Variants in CCNB2 observed in about 807,000 individuals in gnomAD.
CCNB2 encodes G2/mitotic-specific cyclin-B2.
In CCNB2, 39 loss-of-function variants were observed where a neutral mutation model predicts 51.1. The ratio of observed to expected loss-of-function variants is 0.76; its 90% CI spans 0.59 to 1.00. The LOEUF (loss-of-function observed/expected upper bound fraction) is 1.00, where lower values mean the gene tolerates loss of function less well. Ranked by LOEUF, CCNB2 falls within the 50% of genes least tolerant of loss-of-function variation. CCNB2 has a pLI of 0.00. For synonymous variants in CCNB2, 174 were observed against 165.5 expected, an observed-to-expected ratio of 1.05 and a Z score of -0.40; for missense variants, 472 against 470.3, an observed-to-expected ratio of 1.00 and a Z score of -0.03.
chr15:59,117,210 C>T lies in CCNB2; in HGVS notation c.835-18C>T. The T allele has an allele frequency of 6.2e-7, 1 of 1,609,296 alleles. No homozygotes were observed. The highest frequency in any genetic ancestry group is 8.5e-7 in the Non-Finnish European group (1 of 1,177,920). ...ATTACACTTGTGATTCTTACTATCC[C>T]TTGCTGTTCTTTCTTAGGTTGATGT... On this transcript the variant is annotated intron_variant, in intron 6 of 8. Coordinates refer to ENST00000288207, the MANE Select transcript of CCNB2 (RefSeq NM_004701.4).
chr15:59,108,925 T>A (rs1418971265), intron 3 of CCNB2, among the ~76,000 whole-genome samples: 1 of 152,180 alleles, frequency 6.6e-6, no homozygotes, highest in Non-Finnish European at 1.5e-5. Context: ...AACAGTGACC[T>A]CCTGAAAGCC....
At chr15:59,120,579 G>C (rs1000779499) in intron 7 of CCNB2, among the ~76,000 whole-genome samples, 1 of 152,046 alleles carries the variant, frequency 6.6e-6, no homozygotes, top group Non-Finnish European at 1.5e-5. Flanking sequence ...AAGGATTCCT[G>C]GGACCATAAT....
intron 3 of CCNB2, 136 bp downstream of exon 3, chr15:59,107,806 G>T: frequency 1.5e-6 from 1 of 662,736 alleles, no homozygotes; most frequent in Non-Finnish European, 2.6e-6. Context: ...AATAGTGTAG[G>T]AAATGAGTAT....
Position 59,105,230 on chromosome 15 carries a change from C to T in CCNB2, c.-39C>T. 6.4e-7 allele frequency: 1 copy of T among 1,552,180 alleles called. No homozygotes were observed. The highest frequency in any genetic ancestry group is 1.4e-5 in the African/African-American group (1 of 73,470). Reference sequence around the variant, plus strand: ...TCCTCCCTTTTCAGTCCGCGTCCCTCCCTGGGCCGGGCTGGCACTCTTGCC... The same window carrying T: ...TCCTCCCTTTTCAGTCCGCGTCCCTTCCTGGGCCGGGCTGGCACTCTTGCC... On this transcript the variant is annotated 5_prime_UTR_variant, in exon 1 of 9. Coordinates refer to ENST00000288207, the MANE Select transcript of CCNB2 (RefSeq NM_004701.4).
Position 59,105,264 on chromosome 15 carries a change from C to A in CCNB2, c.-5C>A, listed in dbSNP as rs1266540784. On this transcript the variant is annotated 5_prime_UTR_variant, in exon 1 of 9. Coordinates refer to ENST00000288207, the MANE Select transcript of CCNB2 (RefSeq NM_004701.4). ...GGGCTGGCACTCTTGCCTTCCCCGT[C>A]CCTCATGGCGCTGCTCCGACGCCCG... 2 of 1,567,476 alleles carry A rather than the reference C, an allele frequency of 1.3e-6. No individual in the cohort carries two copies. Among genetic ancestry groups the A allele is most frequent in the East Asian group, 2.4e-5 (1 of 42,428 alleles).
At chr15:59,121,892 A>G (rs934855266) in intron 7 of CCNB2, among the ~76,000 whole-genome samples, 14 of 139,950 alleles carry the variant, frequency 1.0e-4, no homozygotes, top group African/African-American at 1.3e-4. Context: ...ACATTGCACC[A>G]CTGCACTCCA....
intron 7 of CCNB2, among the ~76,000 whole-genome samples, chr15:59,122,351 C>T (rs1209595833): frequency 1.4e-5 from 2 of 141,670 alleles, no homozygotes; most frequent in African/African-American, 5.2e-5. Flanking sequence ...CGGGTTCCAG[C>T]GATTCTCCTG....
intron 7 of CCNB2, 68 bp from the exon 8 acceptor site, chr15:59,123,449 C>A: frequency 1.2e-6 from 1 of 854,962 alleles, no homozygotes; most frequent in South Asian, 1.4e-5. Context: ...AAGATGTGTT[C>A]TTCTAAAGAA....
At chr15:59,119,256 T>G (rs1200406826) in intron 7 of CCNB2, among the ~76,000 whole-genome samples, 1 of 152,154 alleles carries the variant, frequency 6.6e-6, no homozygotes. Context: ...TACTTGTTGC[T>G]TGAGCCCAGC....
intron 3 of CCNB2, among the ~76,000 whole-genome samples, chr15:59,110,064 A>C (rs2079251873): frequency 1.3e-5 from 2 of 152,220 alleles, no homozygotes; most frequent in Admixed American, 6.5e-5. Context: ...TGTTCAAGTT[A>C]GAGAAGAAGA....
chr15:59,107,426 A>C lies in CCNB2; in HGVS notation c.129A>C (p.Thr43=), dbSNP rs1458358971. Reference sequence around the variant, plus strand: ...TAGAAGAAATTGGAAATAGAGTTACAACCAGAGCAGCACAAGTAGCTAAGG... The same window carrying C: ...TAGAAGAAATTGGAAATAGAGTTACCACCAGAGCAGCACAAGTAGCTAAGG... The part of the protein sequence containing the change: ...TVLEEIGNRV[T]TRAAQVAKKA... Residue 43 remains threonine (T), a synonymous_variant, in exon 2 of 9, where the codon ACA becomes ACC. Transcript: ENST00000288207. 2.5e-6 allele frequency: 4 copies of C among 1,614,126 alleles called. No homozygotes were observed. Among genetic ancestry groups the C allele is most frequent in the Non-Finnish European group, 3.4e-6 (4 of 1,180,020 alleles).
intron 8 of CCNB2, 60 bp downstream of exon 8, chr15:59,123,687 GT>G (rs58269713): frequency 0.019 from 15,601 of 823,154 alleles, 526 homozygotes; most frequent in African/African-American, 0.11. Flanking sequence ...TTGTGTGTAT[GT>G]TGGGCGGGGG....
At chr15:59,116,535 T>TATAA (rs28383539) in intron 5 of CCNB2, among the ~76,000 whole-genome samples, 155 bp from the exon 6 acceptor site, 1 of 152,154 alleles carries the variant, frequency 6.6e-6, no homozygotes, top group African/African-American at 2.4e-5. Context: ...TACAGATAGC[T>TATAA]GTCATGATCA....
At chr15:59,105,756 T>A (rs1340448256) in intron 1 of CCNB2, among the ~76,000 whole-genome samples, 1 of 152,258 alleles carries the variant, frequency 6.6e-6, no homozygotes, top group African/African-American at 2.4e-5. Context: ...ACGGCGTGTT[T>A]CATCAGGCAA....
At chr15:59,113,671 T>C (rs1255197433) in intron 3 of CCNB2, among the ~76,000 whole-genome samples, 1 of 152,104 alleles carries the variant, frequency 6.6e-6, no homozygotes. Flanking sequence ...AGATGAGACA[T>C]ATGGGTAGGG....
At position 59,117,376 on chromosome 15, in the gene CCNB2, G is replaced by T; in HGVS notation, c.975+8G>T. ...CTAGGACAAGGAAAATGGGTGAGTG[G>T]TGGATTTAAGAAGAAACTAATTAGG... On this transcript the variant is annotated splice_region_variant and intron_variant, in intron 7 of 8. Transcript: ENST00000288207. 1 of 1,611,242 alleles carries T rather than the reference G, an allele frequency of 6.2e-7. No individual in the cohort carries two copies. Among genetic ancestry groups the T allele is most frequent in the Non-Finnish European group, 8.5e-7 (1 of 1,177,942 alleles).
At chr15:59,122,837 A>G (rs766668497) in intron 7 of CCNB2, among the ~76,000 whole-genome samples, 8 of 152,296 alleles carry the variant, frequency 5.3e-5, no homozygotes, top group Admixed American at 1.3e-4. Flanking sequence ...TGCCCCGCCA[A>G]TTTATATATC....
At chr15:59,111,003 C>G (rs1446656402) in intron 3 of CCNB2, among the ~76,000 whole-genome samples, 1 of 152,186 alleles carries the variant, frequency 6.6e-6, no homozygotes, top group Non-Finnish European at 1.5e-5. Context: ...ATGGCTTTAT[C>G]TGTCACAAAG....
chr15:59,116,982 AC>A, intron 6 of CCNB2, 56 bp downstream of exon 6: 1 of 1,387,874 alleles, frequency 7.2e-7, no homozygotes, highest in Non-Finnish European at 1.0e-6. Context: ...CATCCCAGAA[AC>A]CTTGACCTAA....
Sources: allele counts gnomAD v4.1 joint callset (sites outside exome capture counted in the v4.1 genomes callset), GRCh38; gene constraint gnomAD v4.1.1; transcripts MANE v1.5; gene names NCBI Gene and HGNC (gene_info 2026-07-23, HGNC 2026-07-21).